The following INTS4 variants were observed in gnomAD, a reference collection of about 807,000 sequenced individuals.
The protein encoded by INTS4 is MSTP093.
Under a neutral mutation model 119.5 loss-of-function variants are expected in INTS4, and 70 were observed. The observed-to-expected ratio is 0.59, with a 90% CI of 0.48 to 0.71. The LOEUF (loss-of-function observed/expected upper bound fraction) is 0.71. INTS4 is among the 30% of genes least tolerant of loss of function. The pLI, the probability that INTS4 is intolerant of heterozygous loss-of-function variation, is 0.00. For missense variants in INTS4, 867 were observed against 1,173.2 expected, an observed-to-expected ratio of 0.74 and a Z score of 3.81; for synonymous variants, 316 against 419.6, an observed-to-expected ratio of 0.75 and a Z score of 3.02.
downstream of INTS4, among the ~76,000 whole-genome samples, chr11:77,874,790 G>A (rs1009793573): frequency 2.6e-5 from 4 of 152,134 alleles, no homozygotes; most frequent in South Asian, 2.1e-4. Flanking sequence ...TAATCCCAGC[G>A]CTTTGGGAGG....
intron 5 of INTS4, 22 bp from the exon 6 acceptor site, chr11:77,960,413 T>G: frequency 6.5e-7 from 1 of 1,529,212 alleles, no homozygotes; most frequent in Non-Finnish European, 9.0e-7. Flanking sequence ...ATATATAGTT[T>G]AAGTGCTTGG....
rs191599372 is a variant in INTS4, at chr11:77,909,842, A to C, written c.1923-2032T>G. 1.3e-4 allele frequency among the ~76,000 whole-genome samples: 20 copies of C among 152,350 alleles called. No homozygotes were observed. In the East Asian group the frequency reaches 3.5e-3, roughly 26 times the overall value. On this transcript the variant is annotated intron_variant, in intron 15 of 22. Coordinates refer to ENST00000534064, the MANE Select transcript of INTS4 (RefSeq NM_033547.4). ...ATGCAGCCAAAAGACACATGAAAAA[A>C]TGCTCATCATCACTGGCCATCAGAG...
chr11:77,958,195 A>T lies in INTS4; in HGVS notation c.797+551T>A, dbSNP rs538661100. Among the ~76,000 whole-genome samples the T allele has an allele frequency of 5.9e-4, 90 of 151,698 alleles. No homozygotes were observed. In the South Asian group the frequency reaches 0.018, roughly 30 times the overall value. ...ACACCCCTTTTTCCTATACAAGGAA[A>T]AATAAAATATTCTATAAATATTTAT... On this transcript the variant is annotated intron_variant, in intron 7 of 22. Coordinates refer to ENST00000534064, the MANE Select transcript of INTS4 (RefSeq NM_033547.4).
chr11:77,882,626 T>C (rs956299218), intron 22 of INTS4, among the ~76,000 whole-genome samples: 1 of 152,182 alleles, frequency 6.6e-6, no homozygotes, highest in African/African-American at 2.4e-5. Context: ...GAATGAGGAA[T>C]ACTCAGGGAA....
At chr11:77,933,565 G>A (rs1290961751) in intron 10 of INTS4, among the ~76,000 whole-genome samples, 3 of 152,102 alleles carry the variant, frequency 2.0e-5, no homozygotes, top group Admixed American at 1.3e-4. Flanking sequence ...GCGTGATCTC[G>A]GCTCGCTACA....
chr11:77,969,698 C>T (rs901816399), intron 4 of INTS4, among the ~76,000 whole-genome samples: 1 of 149,834 alleles, frequency 6.7e-6, no homozygotes, highest in African/African-American at 2.5e-5. Flanking sequence ...CCGTACTGCA[C>T]ATATATGCAC....
At chr11:77,935,915 G>GAAAGAGAGAAAAAAGAAAAT (rs1342245136) in intron 10 of INTS4, among the ~76,000 whole-genome samples, 1 of 134,774 alleles carries the variant, frequency 7.4e-6, no homozygotes, top group Admixed American at 7.5e-5. Context: ...AAAAAGAAAA[G>GAAAGAGAGAAAAAAGAAAAT]AAGAGGTTTT....
intron 21 of INTS4, chr11:77,884,978 T>C: frequency 5.2e-6 from 1 of 190,888 alleles, no homozygotes; most frequent in Admixed American, 5.3e-5. Context: ...CAGGCTAGTC[T>C]CCAACTCTTG....
intron 8 of INTS4, among the ~76,000 whole-genome samples, chr11:77,955,445 T>TA (rs1210226904): frequency 6.6e-6 from 1 of 151,546 alleles, no homozygotes; most frequent in Non-Finnish European, 1.5e-5. Context: ...TGTGCTCATT[T>TA]AAAAAAAGGA....
chr11:77,981,190 C>CAAAAAAAAAAAAAAAAAAAAAACAAA (rs35194381), intron 3 of INTS4, among the ~76,000 whole-genome samples: 1 of 88,862 alleles, frequency 1.1e-5, no homozygotes. Flanking sequence ...AACAAACAAG[C>CAAAAAAAAAAAAAAAAAAAAAACAAA]AAAAAAAAAA....
intron 15 of INTS4, among the ~76,000 whole-genome samples, chr11:77,917,463 G>A (rs1418832849): frequency 2.0e-5 from 3 of 151,634 alleles, no homozygotes; most frequent in African/African-American, 7.3e-5. Flanking sequence ...ACAGGCGCGT[G>A]CCACCACACC....
At position 77,970,402 on chromosome 11, in the gene INTS4, A is replaced by T. The variant is rs569277897; in HGVS notation, c.471+8594T>A. Among the ~76,000 whole-genome samples the T allele has an allele frequency of 4.5e-4, 68 of 152,190 alleles. 1 individual carries two copies. In the South Asian group the frequency reaches 1.0e-2, roughly 22 times the overall value. The stretch of plus-strand genomic sequence containing the variant: ...TGACAGAGTGACTCCATCTGGGGAA[A>T]AAAAAAATTCATATACAAACTTCTC... On this transcript the variant is annotated intron_variant, in intron 4 of 22. Transcript: ENST00000534064.
intron 7 of INTS4, among the ~76,000 whole-genome samples, chr11:77,958,229 GATAA>G (rs775529151): frequency 2.6e-4 from 39 of 150,750 alleles, no homozygotes; most frequent in Non-Finnish European, 3.8e-4. Flanking sequence ...ATAAATAAAA[GATAA>G]ATAAACATTT....
In INTS4 at chr11:77,938,640, G is replaced by A. The variant is rs570432084; in HGVS notation, c.1165+11C>T. The A allele has an allele frequency of 8.8e-5, 142 of 1,609,322 alleles. No individual in the cohort carries two copies. The highest frequency in any genetic ancestry group is 1.8e-4 in the East Asian group (8 of 44,862). Reference sequence around the variant, plus strand: ...TAAAGAGTGCTATTGCTATTATACAGTCATACTTACCATACATCTCATCTT... The same window carrying A: ...TAAAGAGTGCTATTGCTATTATACAATCATACTTACCATACATCTCATCTT... On this transcript the variant is annotated intron_variant, in intron 10 of 22. Coordinates refer to ENST00000534064, the MANE Select transcript of INTS4 (RefSeq NM_033547.4).
At chr11:77,879,496 G>A (rs1042539459) in intron 22 of INTS4, among the ~76,000 whole-genome samples, 2 of 152,170 alleles carry the variant, frequency 1.3e-5, no homozygotes, top group South Asian at 2.1e-4. Context: ...TACCCAGTTG[G>A]GCTCTTCCTG....
chr11:77,930,807 C>A (rs1591070357), intron 10 of INTS4, among the ~76,000 whole-genome samples: 1 of 112,484 alleles, frequency 8.9e-6, no homozygotes, highest in Non-Finnish European at 1.8e-5. Flanking sequence ...CAGTGAGACC[C>A]CATCTCTATA....
chr11:77,985,415 T>A (rs1390092163), intron 2 of INTS4, among the ~76,000 whole-genome samples: 1 of 152,178 alleles, frequency 6.6e-6, no homozygotes, highest in Non-Finnish European at 1.5e-5. Flanking sequence ...TGTTCACGGT[T>A]GCTCACAACT....
chr11:77,918,086 A>AC (rs1953245629), intron 15 of INTS4: 1 of 701,908 alleles, frequency 1.4e-6, no homozygotes, highest in South Asian at 1.5e-5. Context: ...GCACAGTTAG[A>AC]TCTGAATTGT....
chr11:77,883,959 G>A lies in INTS4; in HGVS notation c.2593-7C>T, dbSNP rs759257060. The A allele has an allele frequency of 1.2e-6, 2 of 1,611,718 alleles. No homozygotes were observed. The highest frequency in any genetic ancestry group is 1.7e-5 in the Admixed American group (1 of 59,712). On this transcript the variant is annotated splice_region_variant and splice_polypyrimidine_tract_variant and intron_variant, in intron 21 of 22. Coordinates refer to ENST00000534064, the MANE Select transcript of INTS4 (RefSeq NM_033547.4). The stretch of plus-strand genomic sequence containing the variant: ...GGCCATCTGGATATAAGACCTAAAG[G>A]GTGACAGAAATGAGAAAAAGGCAGA...
Sources: allele counts gnomAD v4.1 joint callset (sites outside exome capture counted in the v4.1 genomes callset), GRCh38; gene constraint gnomAD v4.1.1; transcripts MANE v1.5; gene names NCBI Gene and HGNC (gene_info 2026-07-23, HGNC 2026-07-21).